Variants in TMTC2 observed in about 807,000 individuals in gnomAD.
TMTC2 encodes the protein transmembrane O-mannosyltransferase targeting cadherins 2.
In TMTC2, 43 loss-of-function variants were observed where a neutral mutation model predicts 82.4. The ratio of observed to expected loss-of-function variants is 0.52; its 90% CI spans 0.41 to 0.67. TMTC2 has a LOEUF of 0.67. Among genes scored for constraint, TMTC2 ranks in the 30% least tolerant of loss-of-function variants. The pLI, the probability that TMTC2 is intolerant of heterozygous loss-of-function variation, is 0.00. For synonymous variants in TMTC2, 408 were observed against 381.9 expected (o/e 1.07, Z -0.80); for missense variants, 919 against 1,012.4 (o/e 0.91, Z 1.25).
At chr12:82,980,508 G>A (rs887720447) in intron 7 of TMTC2, among the ~76,000 whole-genome samples, 1 of 151,688 alleles carries the variant, frequency 6.6e-6, no homozygotes, top group Admixed American at 6.6e-5. Flanking sequence ...CCTAAAATTA[G>A]CAGTACTGGC....
At chr12:82,914,817 A>ATTTTTTTTTTTT (rs71068958) in intron 3 of TMTC2, among the ~76,000 whole-genome samples, 1 of 86,406 alleles carries the variant, frequency 1.2e-5, no homozygotes. Flanking sequence ...CAACTCACTT[A>ATTTTTTTTTTTT]TTTTTTTTTT....
At chr12:82,794,183 G>A (rs908152002) in intron 1 of TMTC2, among the ~76,000 whole-genome samples, 1 of 152,108 alleles carries the variant, frequency 6.6e-6, no homozygotes, top group Non-Finnish European at 1.5e-5. Context: ...GGGACAGGGC[G>A]CAGGCCCGCA....
intron 1 of TMTC2, among the ~76,000 whole-genome samples, chr12:82,777,902 C>T (rs901709529): frequency 6.6e-6 from 1 of 152,080 alleles, no homozygotes; most frequent in Non-Finnish European, 1.5e-5. Context: ...TGCCCAGATG[C>T]TTCCCTTTCT....
intron 4 of TMTC2, among the ~76,000 whole-genome samples, chr12:82,950,256 C>T (rs73362263): frequency 0.025 from 3,865 of 152,050 alleles, 162 homozygotes; most frequent in African/African-American, 0.088. Context: ...TTGCTAATTG[C>T]AAGGGTGGAA....
At chr12:83,069,204 A>T (rs1416158241) in intron 11 of TMTC2, among the ~76,000 whole-genome samples, 1 of 152,170 alleles carries the variant, frequency 6.6e-6, no homozygotes, top group Non-Finnish European at 1.5e-5. Context: ...TACTCTGGGT[A>T]GATACCCAGT....
At chr12:83,029,870 CCT>C (rs901216203) in intron 8 of TMTC2, among the ~76,000 whole-genome samples, 59 of 152,172 alleles carry the variant, frequency 3.9e-4, no homozygotes, top group African/African-American at 1.3e-3. Flanking sequence ...AACGTTCACC[CCT>C]GTTTTTTGCT....
intron 11 of TMTC2, among the ~76,000 whole-genome samples, chr12:83,098,012 G>A (rs909365128): frequency 3.9e-5 from 6 of 152,176 alleles, no homozygotes; most frequent in Non-Finnish European, 7.3e-5. Flanking sequence ...GAGCATGAGA[G>A]TAAAATGCTT....
intron 1 of TMTC2, among the ~76,000 whole-genome samples, chr12:82,793,504 A>G (rs1878564819): frequency 6.6e-6 from 1 of 152,098 alleles, no homozygotes; most frequent in Non-Finnish European, 1.5e-5. Context: ...TGCAAATGTA[A>G]TATTTCCCTA....
chr12:82,751,516 A>G (rs906496647), intron 1 of TMTC2, among the ~76,000 whole-genome samples: 1 of 152,180 alleles, frequency 6.6e-6, no homozygotes, highest in African/African-American at 2.4e-5. Flanking sequence ...GTGCACATGT[A>G]TACTAAAACT....
chr12:83,043,245 C>T (rs896418346), intron 9 of TMTC2, among the ~76,000 whole-genome samples: 5 of 152,228 alleles, frequency 3.3e-5, no homozygotes, highest in African/African-American at 1.2e-4. Flanking sequence ...AACAAGCTAC[C>T]ACTCTTTAGT....
chr12:82,857,813 G>T (rs541119285), intron 2 of TMTC2, among the ~76,000 whole-genome samples: 1 of 152,266 alleles, frequency 6.6e-6, no homozygotes, highest in African/African-American at 2.4e-5. Context: ...GGTGGTAGAA[G>T]AATAATTTTG....
intron 8 of TMTC2, among the ~76,000 whole-genome samples, chr12:83,000,110 A>T (rs1018713138): frequency 1.3e-5 from 2 of 149,602 alleles, no homozygotes; most frequent in African/African-American, 4.9e-5. Flanking sequence ...CTACAGGCAC[A>T]CACAAGTCCA....
chr12:82,831,920 ATGTGC>A (rs1869770537), intron 1 of TMTC2, among the ~76,000 whole-genome samples: 1 of 152,182 alleles, frequency 6.6e-6, no homozygotes, highest in Non-Finnish European at 1.5e-5. Flanking sequence ...AGGCCGAAAA[ATGTGC>A]TAAGAAAAGG....
intron 4 of TMTC2, among the ~76,000 whole-genome samples, chr12:82,933,268 C>T (rs181646277): frequency 6.6e-6 from 1 of 152,106 alleles, no homozygotes; most frequent in East Asian, 1.9e-4. Flanking sequence ...GTAAATTTTT[C>T]AGTCATTTTA....
At chr12:83,128,290 AG>A (rs1476599514) in intron 11 of TMTC2, among the ~76,000 whole-genome samples, 1 of 152,108 alleles carries the variant, frequency 6.6e-6, no homozygotes, top group South Asian at 2.1e-4. Context: ...TCAGTATTAG[AG>A]TTAGGTAGAC....
chr12:82,842,317 A>C (rs1472525222), intron 1 of TMTC2, among the ~76,000 whole-genome samples: 1 of 152,202 alleles, frequency 6.6e-6, no homozygotes, highest in African/African-American at 2.4e-5. Flanking sequence ...TTTAGTTAGC[A>C]TTAGTGCCTT....
intron 1 of TMTC2, among the ~76,000 whole-genome samples, chr12:82,755,932 A>G (rs117483696): frequency 1.3e-5 from 2 of 151,494 alleles, no homozygotes; most frequent in Admixed American, 1.3e-4. Flanking sequence ...CTGTACTAGG[A>G]AAAAAAAACC....
At chr12:82,884,078 T>C (rs751272728) in intron 2 of TMTC2, among the ~76,000 whole-genome samples, 3 of 152,152 alleles carry the variant, frequency 2.0e-5, no homozygotes, top group Non-Finnish European at 4.4e-5. Flanking sequence ...TTTAGTGTAA[T>C]GGGTTAGGGG....
chr12:82,687,659 T>C lies in TMTC2; in HGVS notation c.73T>C (p.Tyr25His). 2 of 1,604,388 alleles carry C rather than the reference T, an allele frequency of 1.2e-6. No individual in the cohort carries two copies. Among genetic ancestry groups the C allele is most frequent in the Non-Finnish European group, 1.7e-6 (2 of 1,176,746 alleles). Reference sequence around the variant, plus strand: ...CAACACCCTGAGTGCGGATTTCTGCTATGATGACAGGTAAGGGGCCGAGAG... The same window carrying C: ...CAACACCCTGAGTGCGGATTTCTGCCATGATGACAGGTAAGGGGCCGAGAG... Reference protein sequence around the residue: ...YLNTLSADFCYDDSRAIKTNQ... With the variant: ...YLNTLSADFCHDDSRAIKTNQ... Residue 25 changes from tyrosine to histidine, a missense_variant, in exon 1 of 12, where the codon TAT (tyrosine) becomes CAT (histidine). Transcript: ENST00000321196.
Sources: gnomAD v4.1 joint callset for allele counts (sites outside exome capture counted in the v4.1 genomes callset) on GRCh38, gnomAD v4.1.1 for gene constraint, MANE v1.5 for transcripts, NCBI Gene and HGNC (gene_info 2026-07-23, HGNC 2026-07-21) for gene names.